The following RABGAP1 variants were observed in gnomAD, a reference collection of about 807,000 sequenced individuals.
RABGAP1 encodes the protein RAB GTPase activating protein 1, also known as rab GTPase-activating protein 1.
Under a neutral mutation model 137.6 loss-of-function variants are expected in RABGAP1, and 23 were observed. That is an observed-to-expected ratio of 0.17 (90% CI 0.12 to 0.24). The LOEUF (loss-of-function observed/expected upper bound fraction) is 0.24, where lower values mean the gene tolerates loss of function less well. Ranked by LOEUF, RABGAP1 falls within the 10% of genes least tolerant of loss-of-function variation. The pLI is 1.00. For synonymous variants in RABGAP1, 451 were observed against 450.7 expected (o/e 1.00, Z -0.01); for missense variants, 906 against 1,275.8 (o/e 0.71, Z 4.42).
intron 13 of RABGAP1, among the ~76,000 whole-genome samples, chr9:123,059,415 C>T (rs779344308): frequency 1.6e-4 from 25 of 151,966 alleles, no homozygotes; most frequent in East Asian, 7.7e-4. Context: ...ATTAGCCAGG[C>T]GTGGTGGCGG....
At chr9:123,091,273 C>CG (rs1394970268) in intron 21 of RABGAP1, among the ~76,000 whole-genome samples, 2 of 152,114 alleles carry the variant, frequency 1.3e-5, no homozygotes, top group African/African-American at 2.4e-5. Flanking sequence ...AGGATTTTTA[C>CG]GGGGGTCTTA....
chr9:122,957,114 A>G lies in RABGAP1; in HGVS notation c.55A>G (p.Thr19Ala). 6.4e-7 allele frequency: 1 copy of G among 1,569,654 alleles called. No homozygotes were observed. The highest frequency in any genetic ancestry group is 8.7e-7 in the Non-Finnish European group (1 of 1,149,136). Residue 19 changes from threonine (T) to alanine (A), a missense_variant, in exon 2 of 26, where the codon ACT (threonine) becomes GCT (alanine). Transcript: ENST00000373647. Reference sequence around the variant, plus strand: ...CAGTGTCTCTTCAGACTCAGTATCTACTCTTAATAGTGAAGATTTTGTCTT... The same window carrying G: ...CAGTGTCTCTTCAGACTCAGTATCTGCTCTTAATAGTGAAGATTTTGTCTT... The part of the protein sequence containing the change: ...KISVSSDSVS[T>A]LNSEDFVLVS...
At chr9:123,100,992 T>A (rs1018311152) in intron 24 of RABGAP1, among the ~76,000 whole-genome samples, 2 of 152,242 alleles carry the variant, frequency 1.3e-5, no homozygotes, top group African/African-American at 2.4e-5. Context: ...GTGGTTTAAT[T>A]GGCAGAATGT....
chr9:123,041,101 G>A lies in RABGAP1; in HGVS notation c.1794+20642G>A, dbSNP rs182890877. Among the ~76,000 whole-genome samples the A allele has an allele frequency of 1.8e-4, 27 of 152,296 alleles. No homozygotes were observed. In the East Asian group the frequency reaches 4.6e-3, roughly 26 times the overall value. ...GTAATTCTAAGGGTAAGAAGTATGA[G>A]CAATAATATAAATGTTAATTGAGAC... On this transcript the variant is annotated intron_variant, in intron 13 of 25. Transcript: ENST00000373647.
At chr9:123,007,553 ATT>A (rs34448685) in intron 10 of RABGAP1, among the ~76,000 whole-genome samples, 5 of 104,514 alleles carry the variant, frequency 4.8e-5, no homozygotes, top group African/African-American at 1.4e-4. Flanking sequence ...AAGTTTTTGT[ATT>A]TTTTTTTTTT....
At chr9:123,006,320 G>A (rs1180691159) in intron 10 of RABGAP1, among the ~76,000 whole-genome samples, 1 of 152,002 alleles carries the variant, frequency 6.6e-6, no homozygotes, top group African/African-American at 2.4e-5. Flanking sequence ...TTACTTATAT[G>A]GTTTCATTTT....
chr9:123,039,824 A>C (rs2032864418), intron 13 of RABGAP1, among the ~76,000 whole-genome samples: 2 of 152,182 alleles, frequency 1.3e-5, no homozygotes. Context: ...GCCTTGATGA[A>C]AGAAACTTCC....
In RABGAP1 at chr9:123,070,130, C is replaced by T. The variant is rs2034308546; in HGVS notation, c.1909-220C>T. Among the ~76,000 whole-genome samples, 1 of 152,120 alleles carries T rather than the reference C, an allele frequency of 6.6e-6. No individual in the cohort carries two copies. On this transcript the variant is annotated intron_variant, in intron 14 of 25. Coordinates refer to ENST00000373647, the MANE Select transcript of RABGAP1 (RefSeq NM_012197.4). This position sits in a 1 kb window ranked among gnomAD's most constrained non-coding sequence, Gnocchi z 4.4. ...AGAAGTGGTTTTTCCTTAATCTTCCCTACTCCTTCGCCACAGGAAATGCAG... is the reference window on the plus strand; with the variant it reads ...AGAAGTGGTTTTTCCTTAATCTTCCTTACTCCTTCGCCACAGGAAATGCAG...
chr9:123,082,058 G>C (rs1443865392), intron 19 of RABGAP1, among the ~76,000 whole-genome samples: 6 of 151,840 alleles, frequency 4.0e-5, no homozygotes, highest in African/African-American at 1.5e-4. Context: ...CTTCTTCTCG[G>C]TGCCCTTGGA....
chr9:122,962,333 AC>A (rs1465794700), intron 2 of RABGAP1, among the ~76,000 whole-genome samples: 1 of 151,862 alleles, frequency 6.6e-6, no homozygotes, highest in Non-Finnish European at 1.5e-5. Flanking sequence ...ACATGGTAAA[AC>A]CCCATCTCTA....
chr9:122,984,376 C>T, intron 2 of RABGAP1, 109 bp from the exon 3 acceptor site: 1 of 906,460 alleles, frequency 1.1e-6, no homozygotes, highest in Non-Finnish European at 1.7e-6. Flanking sequence ...CAGAAGATAT[C>T]TTTGTATCAA....
In RABGAP1 at chr9:123,072,599, G is replaced by A. The variant is rs1222747427; in HGVS notation, c.1984-953G>A. 1.1e-4 allele frequency among the ~76,000 whole-genome samples: 16 copies of A among 152,262 alleles called. No homozygotes were observed. The East Asian group carries it at 2.9e-3, about 28-fold the overall frequency. The stretch of plus-strand genomic sequence containing the variant: ...CTTAGCATCAGAATCACCACTGTGG[G>A]TTAGGCCACATCTCCTTGCATGTGG... On this transcript the variant is annotated intron_variant, in intron 15 of 25. Coordinates refer to ENST00000373647, the MANE Select transcript of RABGAP1 (RefSeq NM_012197.4).
chr9:123,035,787 G>T (rs925577626), intron 13 of RABGAP1: 49 of 510,470 alleles, frequency 9.6e-5, no homozygotes, highest in Middle Eastern at 4.9e-4. Context: ...TTCTAAGTTT[G>T]TAGAAATGGT....
intron 13 of RABGAP1, among the ~76,000 whole-genome samples, chr9:123,042,979 G>A (rs959997474): frequency 2.0e-5 from 3 of 152,096 alleles, no homozygotes; most frequent in African/African-American, 7.2e-5. Context: ...AGTAGCAGAG[G>A]ACTTTTTGCC....
chr9:123,020,507 G>A (rs761667581), intron 13 of RABGAP1, 48 bp downstream of exon 13: 3 of 1,402,612 alleles, frequency 2.1e-6, no homozygotes, highest in South Asian at 3.6e-5. Context: ...TTAGAGATTT[G>A]TGATGAAAAG....
At chr9:123,025,805 T>C (rs1366648042) in intron 13 of RABGAP1, among the ~76,000 whole-genome samples, 1 of 152,054 alleles carries the variant, frequency 6.6e-6, no homozygotes, top group African/African-American at 2.4e-5. Flanking sequence ...TTTTCAGGTG[T>C]GTAATAATAT....
upstream of RABGAP1, chr9:122,938,088 A>G (rs575470366): frequency 5.9e-5 from 9 of 152,364 alleles, no homozygotes; most frequent in Non-Finnish European, 2.9e-5. Flanking sequence ...AATGAGCAGA[A>G]GAAAGAACCA....
chr9:122,997,278 C>A lies in RABGAP1; in HGVS notation c.1121C>A (p.Ser374Ter). Residue 374 changes from serine to a stop codon, truncating the protein, a stop_gained, in exon 9 of 26, where the codon TCA becomes TAA. Transcript: ENST00000373647. LOFTEE classifies it high-confidence loss of function. Reference sequence around the variant, plus strand: ...TTCTAGGAATCTATGGGCAAAAGTTCAGATGGAAAGTCGTATGTTATTACG... The same window carrying A: ...TTCTAGGAATCTATGGGCAAAAGTTAAGATGGAAAGTCGTATGTTATTACG... ...LLDLESMGKS[S>*]DGKSYVITGS... 6.2e-7 allele frequency: 1 copy of A among 1,605,066 alleles called. No homozygotes were observed. Among genetic ancestry groups the A allele is most frequent in the South Asian group, 1.1e-5 (1 of 88,814 alleles).
intron 19 of RABGAP1, among the ~76,000 whole-genome samples, chr9:123,084,927 C>G (rs2034820901): frequency 6.6e-6 from 1 of 152,206 alleles, no homozygotes; most frequent in Non-Finnish European, 1.5e-5. Flanking sequence ...GTCTGTTCCA[C>G]CTGCACAGCC....
Sources: gnomAD v4.1 joint callset for allele counts (sites outside exome capture counted in the v4.1 genomes callset) on GRCh38, gnomAD v4.1.1 for gene constraint, Gnocchi (gnomAD v3.1) non-coding constraint, MANE v1.5 for transcripts, NCBI Gene and HGNC (gene_info 2026-07-23, HGNC 2026-07-21) for gene names.